Variants in BMP3 observed in about 807,000 individuals in gnomAD.
BMP3 encodes bone morphogenetic protein 3 (osteogenic).
Under a neutral mutation model 38.1 loss-of-function variants are expected in BMP3, and 23 were observed. That is an observed-to-expected ratio of 0.60 (90% CI 0.43 to 0.86). BMP3 has a LOEUF of 0.86. Among genes scored for constraint, BMP3 ranks in the 40% least tolerant of loss-of-function variants. The pLI is 0.00. For synonymous variants in BMP3, 258 were observed against 225.7 expected, an observed-to-expected ratio of 1.14 and a Z score of -1.28; for missense variants, 628 against 579.6, an observed-to-expected ratio of 1.08 and a Z score of -0.86.
intron 1 of BMP3, among the ~76,000 whole-genome samples, chr4:81,033,125 A>C (rs187948749): frequency 1.8e-3 from 268 of 151,998 alleles, no homozygotes; most frequent in African/African-American, 6.4e-3. Context: ...TACTCAAATG[A>C]CTCTTATCTT....
In BMP3 at chr4:81,046,180, A is replaced by C; in HGVS notation, c.759A>C (p.Glu253Asp). 6.2e-7 allele frequency: 1 copy of C among 1,614,064 alleles called. No individual in the cohort carries two copies. Among genetic ancestry groups the C allele is most frequent in the Admixed American group, 1.7e-5 (1 of 59,988 alleles). ...ATGATGCCGCCATTTCTGAGCCAGAAAGTGTGGTATCAAGCTTACAGGGAC... is the reference window on the plus strand; with the variant it reads ...ATGATGCCGCCATTTCTGAGCCAGACAGTGTGGTATCAAGCTTACAGGGAC... ...YANDAAISEP[E>D]SVVSSLQGHR... The change falls in exon 2 of 3, where the codon GAA (glutamate) becomes GAC (aspartate). Residue 253 changes from glutamate to aspartate, a missense_variant. Physicochemically the swap from Glu to Asp is conservative, Grantham distance 45. Transcript: ENST00000282701.
rs1278099932 is a variant in BMP3, at chr4:81,031,577, G to T, written c.293G>T (p.Arg98Leu). ...CTCCTGCGCGAAGGCAACACGGTTC[G>T]CAGCTTTCGGGCGGCAGCAGCAGGT... ...PRLLREGNTV[R>L]SFRAAAAETL... is the part of the protein sequence containing the mutation. The change falls in exon 1 of 3, where the codon CGC becomes CTC. Residue 98 changes from arginine to leucine, a missense_variant. By Grantham distance (102) the Arg-to-Leu change is moderately radical (BLOSUM62 -2). Transcript: ENST00000282701. 3 of 1,603,916 alleles carry T rather than the reference G, an allele frequency of 1.9e-6. No homozygotes were observed. The highest frequency in any genetic ancestry group is 3.4e-5 in the Admixed American group (2 of 59,134).
intron 2 of BMP3, among the ~76,000 whole-genome samples, chr4:81,050,892 A>T (rs1274395915): frequency 6.6e-6 from 1 of 152,162 alleles, no homozygotes; most frequent in Non-Finnish European, 1.5e-5. Flanking sequence ...CATGACCTGA[A>T]CTCAGAAACA....
intron 2 of BMP3, 127 bp downstream of exon 2, chr4:81,046,775 G>T: frequency 9.4e-7 from 1 of 1,058,734 alleles, no homozygotes; most frequent in East Asian, 2.4e-5. Flanking sequence ...AATCCATTGG[G>T]ACCCTTATTT....
In BMP3 at chr4:81,031,577, G is replaced by A; in HGVS notation, c.293G>A (p.Arg98His). 1 of 1,604,032 alleles carries A rather than the reference G, an allele frequency of 6.2e-7. No individual in the cohort carries two copies. The highest frequency in any genetic ancestry group is 8.5e-7 in the Non-Finnish European group (1 of 1,175,874). The change falls in exon 1 of 3, where the codon CGC (arginine) becomes CAC (histidine). Residue 98 changes from arginine to histidine, a missense_variant. Transcript: ENST00000282701. ...CTCCTGCGCGAAGGCAACACGGTTC[G>A]CAGCTTTCGGGCGGCAGCAGCAGGT... Reference protein sequence around the residue: ...PRLLREGNTVRSFRAAAAETL... With the variant: ...PRLLREGNTVHSFRAAAAETL...
chr4:81,046,987 A>T (rs1161117595), intron 2 of BMP3, among the ~76,000 whole-genome samples: 1 of 152,252 alleles, frequency 6.6e-6, no homozygotes, highest in African/African-American at 2.4e-5. Context: ...CATGTAAGCA[A>T]GCCCCAAATG....
chr4:81,039,046 A>C (rs1435038355), intron 1 of BMP3, among the ~76,000 whole-genome samples: 2 of 152,176 alleles, frequency 1.3e-5, no homozygotes, highest in African/African-American at 4.8e-5. Flanking sequence ...GGGACTATGA[A>C]GGAGAAACAC....
chr4:81,055,042 C>T lies in BMP3; in HGVS notation c.*1506C>T, dbSNP rs183879078. 1 of 152,246 alleles carries T rather than the reference C, an allele frequency of 6.6e-6. No homozygotes were observed. Among genetic ancestry groups the T allele is most frequent in the East Asian group, 1.9e-4 (1 of 5,176 alleles). 9.4% of individuals were successfully genotyped at this position (152,246 alleles called of 1,614,324 possible). Reference sequence around the variant, plus strand: ...TTTTGAGCATCTATTTTGTGAAAGGCACTGTGTTACCTGTGTGTCTTTAGT... The same window carrying T: ...TTTTGAGCATCTATTTTGTGAAAGGTACTGTGTTACCTGTGTGTCTTTAGT... On this transcript the variant is annotated 3_prime_UTR_variant, in exon 3 of 3. Coordinates refer to ENST00000282701, the MANE Select transcript of BMP3 (RefSeq NM_001201.5).
chr4:81,044,111 T>C (rs1367307598), intron 1 of BMP3, among the ~76,000 whole-genome samples: 4 of 152,202 alleles, frequency 2.6e-5, no homozygotes, highest in Admixed American at 2.6e-4. Context: ...AGTTGGTAAG[T>C]GGCTGAGCGA....
At chr4:81,037,453 A>G in intron 1 of BMP3, 1 of 183,190 alleles carries the variant, frequency 5.5e-6, no homozygotes, top group Non-Finnish European at 1.2e-5. Context: ...AAGTAAAGTC[A>G]TCTAATATTG....
At chr4:81,040,471 T>A (rs1740040096) in intron 1 of BMP3, among the ~76,000 whole-genome samples, 1 of 152,200 alleles carries the variant, frequency 6.6e-6, no homozygotes, top group Admixed American at 6.5e-5. Context: ...TATATTGGCT[T>A]GGATTTGGCC....
rs1331009910 is a variant in BMP3 at position 81,056,845 on chromosome 4, A to G, written c.*3309A>G. The G allele has an allele frequency of 1.3e-5, 2 of 152,644 alleles. No individual in the cohort carries two copies. The highest frequency in any genetic ancestry group is 2.9e-5 in the Non-Finnish European group (2 of 68,030). The allele number at this position is 152,644 out of a possible 1,614,324, so 9.5% of individuals were successfully genotyped here. A position where few individuals can be genotyped will look rare whatever the true frequency, so the allele number is the denominator to read the frequency against. On this transcript the variant is annotated 3_prime_UTR_variant, in exon 3 of 3. Coordinates refer to ENST00000282701, the MANE Select transcript of BMP3 (RefSeq NM_001201.5). ...GCAATCAAATGTGAGTAATACTGCT[A>G]AGAGTCTGATTTATTAAAAATATTT...
At chr4:81,045,645 A>G (rs1381968810) in intron 1 of BMP3, 93 bp from the exon 2 acceptor site, 10 of 1,105,730 alleles carry the variant, frequency 9.0e-6, no homozygotes, top group South Asian at 7.0e-5. Context: ...TAGTTCTTAT[A>G]TATAGGTTTC....
At position 81,040,762 on chromosome 4, in the gene BMP3, A is replaced by G. The variant is rs541492609; in HGVS notation, c.317-4976A>G. 2.0e-5 allele frequency among the ~76,000 whole-genome samples: 3 copies of G among 152,322 alleles called. No homozygotes were observed. In the South Asian group the frequency reaches 6.2e-4, roughly 32 times the overall value. Reference sequence around the variant, plus strand: ...AAATGAGGCATGCAATTCCAGATATATTTAGATGATCAGTGTAGCATACAA... The same window carrying G: ...AAATGAGGCATGCAATTCCAGATATGTTTAGATGATCAGTGTAGCATACAA... On this transcript the variant is annotated intron_variant, in intron 1 of 2. Coordinates refer to ENST00000282701, the MANE Select transcript of BMP3 (RefSeq NM_001201.5).
chr4:81,045,076 G>C lies in BMP3; in HGVS notation c.317-662G>C, dbSNP rs371437835. Among the ~76,000 whole-genome samples the C allele has an allele frequency of 1.6e-4, 25 of 152,254 alleles. 1 individual carries two copies. The highest frequency in any genetic ancestry group is 5.3e-4 in the African/African-American group (22 of 41,532). On this transcript the variant is annotated intron_variant, in intron 1 of 2. Transcript: ENST00000282701. ...GGTGAACCATTTTGCATTCCCACCA[G>C]CAATTTGAGAGTGTTCCAATTTCTC...
intron 2 of BMP3, among the ~76,000 whole-genome samples, chr4:81,048,816 CT>C (rs1374326458): frequency 6.6e-6 from 1 of 152,168 alleles, no homozygotes; most frequent in East Asian, 1.9e-4. Flanking sequence ...GCAAATTGCC[CT>C]GGATTTAGTT....
rs1740568375 is a variant in BMP3 at position 81,056,382 on chromosome 4, G to A, written c.*2846G>A. 1 of 151,668 alleles carries A rather than the reference G, an allele frequency of 6.6e-6. No individual in the cohort carries two copies. The allele number at this position is 151,668 out of a possible 1,614,324, so 9.4% of individuals were successfully genotyped here. On this transcript the variant is annotated 3_prime_UTR_variant, in exon 3 of 3. Coordinates refer to ENST00000282701, the MANE Select transcript of BMP3 (RefSeq NM_001201.5). Reference sequence around the variant, plus strand: ...ATGGAGTTTCACTCTTGTCGCCCAGGCTGGAGTGCAGTGGCGTGATCTCGG... The same window carrying A: ...ATGGAGTTTCACTCTTGTCGCCCAGACTGGAGTGCAGTGGCGTGATCTCGG...
At position 81,050,517 on chromosome 4, in the gene BMP3, C is replaced by CT. The variant is rs886288180; in HGVS notation, c.1228-2817dup. ...AAAGATCCAAGAGAAGTTAGTTTTG[C>CT]TTTTTTTTTTTCAAGGAATTTTGCA... On this transcript the variant is annotated intron_variant, in intron 2 of 2. Transcript: ENST00000282701. 4.5e-3 allele frequency among the ~76,000 whole-genome samples: 653 copies of CT among 145,104 alleles called. 2 individuals are homozygous for CT. Among genetic ancestry groups the CT allele is most frequent in the Admixed American group, 7.4e-3 (108 of 14,516 alleles).
At chr4:81,035,531 C>G (rs560261092) in intron 1 of BMP3, among the ~76,000 whole-genome samples, 8 of 151,972 alleles carry the variant, frequency 5.3e-5, no homozygotes, top group Non-Finnish European at 1.0e-4. Context: ...ATCAAATCTG[C>G]TTTTAAGCAT....
Sources: gnomAD v4.1 joint callset for allele counts (sites outside exome capture counted in the v4.1 genomes callset) on GRCh38, gnomAD v4.1.1 for gene constraint, MANE v1.5 for transcripts, NCBI Gene and HGNC (gene_info 2026-07-23, HGNC 2026-07-21) for gene names.